The following XRCC4 variants were observed in gnomAD, a reference collection of about 807,000 sequenced individuals.
XRCC4 encodes the protein X-ray repair cross complementing 4.
In XRCC4, 28 loss-of-function variants were observed where a neutral mutation model predicts 39.1. The observed-to-expected ratio is 0.72, with a 90% CI of 0.53 to 0.98. XRCC4 has a LOEUF of 0.98. XRCC4 is among the 50% of genes least tolerant of loss of function. The pLI is 0.00. For synonymous variants in XRCC4, 123 were observed against 126.4 expected, an observed-to-expected ratio of 0.97 and a Z score of 0.18; for missense variants, 350 against 376.4, an observed-to-expected ratio of 0.93 and a Z score of 0.58.
intron 6 of XRCC4, among the ~76,000 whole-genome samples, chr5:83,227,722 T>G (rs950260726): frequency 1.3e-5 from 2 of 152,116 alleles, no homozygotes; most frequent in Non-Finnish European, 2.9e-5. Flanking sequence ...GATAATTCAT[T>G]ATCTCTATAA....
intron 3 of XRCC4, among the ~76,000 whole-genome samples, chr5:83,158,719 G>A (rs1456949672): frequency 1.3e-5 from 2 of 151,942 alleles, no homozygotes; most frequent in Admixed American, 6.6e-5. Context: ...AATTGTGGGA[G>A]GCAGAAAGGA....
At chr5:83,253,516 A>G (rs185847065) in intron 6 of XRCC4, among the ~76,000 whole-genome samples, 21 of 150,860 alleles carry the variant, frequency 1.4e-4, no homozygotes, top group Non-Finnish European at 2.5e-4. Flanking sequence ...GTGTGTGTGT[A>G]TATGTATTTG....
chr5:83,262,761 T>C (rs1250946538), intron 7 of XRCC4, among the ~76,000 whole-genome samples: 1 of 151,662 alleles, frequency 6.6e-6, no homozygotes, highest in Non-Finnish European at 1.5e-5. Flanking sequence ...AAGTGAATAC[T>C]GGATGCCAAA....
At chr5:83,133,875 A>G (rs10076271) in intron 3 of XRCC4, among the ~76,000 whole-genome samples, 73,593 of 152,024 alleles carry the variant, frequency 0.48, 18,784 homozygotes, top group African/African-American at 0.63. Context: ...TCAGGCCACC[A>G]CTGCATATGA....
At chr5:83,315,304 A>G (rs1225405214) in intron 7 of XRCC4, among the ~76,000 whole-genome samples, 1 of 152,136 alleles carries the variant, frequency 6.6e-6, no homozygotes, top group African/African-American at 2.4e-5. Context: ...AGATTGGTTT[A>G]GGAGGTTTCA....
chr5:83,130,816 T>C (rs1461956777), intron 3 of XRCC4, among the ~76,000 whole-genome samples: 1 of 152,174 alleles, frequency 6.6e-6, no homozygotes, highest in African/African-American at 2.4e-5. Flanking sequence ...GTTGGTGATA[T>C]CCCCTTTATC....
At chr5:83,373,720 T>C in the XRCC4 span, among the ~76,000 whole-genome samples, 1 of 152,184 alleles carries the variant, frequency 6.6e-6, no homozygotes, top group Non-Finnish European at 1.5e-5. Context: ...TCTATTTTTT[T>C]TAACAGAGAG....
At chr5:83,322,882 A>G (rs753600343) in intron 7 of XRCC4, among the ~76,000 whole-genome samples, 1 of 152,206 alleles carries the variant, frequency 6.6e-6, no homozygotes, top group Non-Finnish European at 1.5e-5. Context: ...CTCCAGAACT[A>G]TAAGAGAATA....
chr5:83,338,043 G>A (rs1756645257), intron 7 of XRCC4, among the ~76,000 whole-genome samples: 1 of 152,188 alleles, frequency 6.6e-6, no homozygotes, highest in Non-Finnish European at 1.5e-5. Context: ...GTGTGGAATA[G>A]CCTGGAGGCT....
chr5:83,197,717 C>T (rs527846935), intron 4 of XRCC4, among the ~76,000 whole-genome samples: 2 of 152,106 alleles, frequency 1.3e-5, no homozygotes, highest in Non-Finnish European at 2.9e-5. Context: ...AAAAGCACAG[C>T]CATGTACCCT....
intron 3 of XRCC4, among the ~76,000 whole-genome samples, chr5:83,192,319 A>ATATATTTT (rs3069585): frequency 0.26 from 36,722 of 143,094 alleles, 5,376 homozygotes; most frequent in Non-Finnish European, 0.34. Flanking sequence ...ATATATATAT[A>ATATATTTT]TTTTTTTGAG....
intron 1 of XRCC4, among the ~76,000 whole-genome samples, chr5:83,095,163 G>C (rs1243647277): frequency 1.3e-5 from 2 of 152,126 alleles, no homozygotes; most frequent in East Asian, 3.9e-4. Flanking sequence ...TTTAGGTTCT[G>C]TAGAAAGCTG....
intron 6 of XRCC4, among the ~76,000 whole-genome samples, chr5:83,212,531 G>GA (rs981938878): frequency 7.3e-5 from 11 of 151,676 alleles, no homozygotes; most frequent in African/African-American, 2.2e-4. Flanking sequence ...GAGAAAGGTA[G>GA]AAAAAAAATA....
chr5:83,134,733 G>A (rs373892845), intron 3 of XRCC4, among the ~76,000 whole-genome samples: 422 of 152,200 alleles, frequency 2.8e-3, no homozygotes, highest in Non-Finnish European at 5.1e-3. Context: ...TTCATTCTTC[G>A]CAATAAATCT....
intron 7 of XRCC4, among the ~76,000 whole-genome samples, chr5:83,327,176 T>G (rs1756290137): frequency 6.6e-6 from 1 of 151,964 alleles, no homozygotes; most frequent in African/African-American, 2.4e-5. Context: ...ATCCTAAGTT[T>G]CCTTATAATT....
intron 6 of XRCC4, among the ~76,000 whole-genome samples, chr5:83,230,423 C>T (rs116151912): frequency 0.016 from 2,434 of 152,032 alleles, 59 homozygotes; most frequent in African/African-American, 0.055. Flanking sequence ...TCCACACTCA[C>T]GTAAATAATT....
downstream of XRCC4, among the ~76,000 whole-genome samples, chr5:83,356,523 G>A (rs912248204): frequency 1.3e-5 from 2 of 152,258 alleles, no homozygotes. Context: ...TCATTGCTGT[G>A]TGTCAGATTG....
At chr5:83,126,346 G>A (rs1747264771) in intron 3 of XRCC4, among the ~76,000 whole-genome samples, 1 of 151,874 alleles carries the variant, frequency 6.6e-6, no homozygotes, top group Admixed American at 6.6e-5. Flanking sequence ...AAATTCAACT[G>A]ACTTCTTTTG....
At chr5:83,125,704 A>G (rs535368685) in intron 3 of XRCC4, among the ~76,000 whole-genome samples, 2 of 151,864 alleles carry the variant, frequency 1.3e-5, no homozygotes, top group African/African-American at 4.8e-5. Flanking sequence ...AAGTTGAGTT[A>G]TGTGGGCTGG....
Sources: gnomAD v4.1 joint callset for allele counts (sites outside exome capture counted in the v4.1 genomes callset) on GRCh38, gnomAD v4.1.1 for gene constraint, MANE v1.5 for transcripts, NCBI Gene and HGNC (gene_info 2026-07-23, HGNC 2026-07-21) for gene names.